The following ERCC5 variants were observed in gnomAD, a reference collection of about 807,000 sequenced individuals.
The protein encoded by ERCC5 is ERCC excision repair 5, endonuclease.
A neutral mutation model predicts 105.6 loss-of-function variants in ERCC5; 68 were observed. The observed-to-expected ratio is 0.64, with a 90% CI of 0.53 to 0.79. The LOEUF (loss-of-function observed/expected upper bound fraction) is 0.79, where lower values mean the gene tolerates loss of function less well. Ranked by LOEUF, ERCC5 falls within the 30% of genes least tolerant of loss-of-function variation. The pLI is 0.00. For missense variants in ERCC5, 1,373 were observed against 1,426.7 expected (o/e 0.96, Z 0.61); for synonymous variants, 546 against 526.2 (o/e 1.04, Z -0.51).
chr13:102,863,239 A>G (rs1452238444), intron 8 of ERCC5, 136 bp downstream of exon 8: 1 of 1,041,656 alleles, frequency 9.6e-7, no homozygotes, highest in Non-Finnish European at 1.4e-6. Context: ...AGATGAAATG[A>G]CTTTCCCAGG....
At chr13:102,850,362 C>T (rs1566463589) in intron 1 of ERCC5, among the ~76,000 whole-genome samples, 1 of 152,030 alleles carries the variant, frequency 6.6e-6, no homozygotes, top group South Asian at 2.1e-4. Flanking sequence ...GCAGAGGAAG[C>T]AGCATGTGAG....
chr13:102,856,584 G>A (rs1043014677), intron 5 of ERCC5, among the ~76,000 whole-genome samples: 2 of 152,204 alleles, frequency 1.3e-5, no homozygotes, highest in African/African-American at 4.8e-5. Flanking sequence ...ATCTGTCGCT[G>A]TGTAACTTAG....
intron 12 of ERCC5, among the ~76,000 whole-genome samples, chr13:102,871,734 G>A (rs750926232): frequency 7.3e-5 from 11 of 151,304 alleles, no homozygotes; most frequent in Admixed American, 1.3e-4. Context: ...AATATTCTTC[G>A]ATCCATTATT....
intron 11 of ERCC5, 104 bp downstream of exon 11, chr13:102,866,949 T>C: frequency 8.1e-7 from 1 of 1,233,388 alleles, no homozygotes; most frequent in Non-Finnish European, 1.1e-6. Flanking sequence ...TGATGGAAAT[T>C]GCAGGTCTAT....
chr13:102,868,708 A>C (rs533158791), intron 12 of ERCC5, among the ~76,000 whole-genome samples: 40 of 152,344 alleles, frequency 2.6e-4, no homozygotes, highest in Admixed American at 1.7e-3. Flanking sequence ...CCAGGAAGCG[A>C]CTTGGAAATA....
At chr13:102,846,933 G>A (rs1221147938) in intron 1 of ERCC5, among the ~76,000 whole-genome samples, 1 of 151,984 alleles carries the variant, frequency 6.6e-6, no homozygotes, top group East Asian at 1.9e-4. Context: ...CATCTGCAAA[G>A]TAGAGGTGGT....
At chr13:102,868,400 T>A in intron 12 of ERCC5, 143 bp downstream of exon 12, 1 of 1,219,182 alleles carries the variant, frequency 8.2e-7, no homozygotes, top group Non-Finnish European at 1.2e-6. Flanking sequence ...ATTGGTTGTT[T>A]TCCATTTTCT....
At position 102,862,590 on chromosome 13, in the gene ERCC5, G is replaced by T. The variant is rs1008091379; in HGVS notation, c.1441G>T (p.Val481Leu). 1.2e-6 allele frequency: 2 copies of T among 1,614,182 alleles called. No homozygotes were observed. Among genetic ancestry groups the T allele is most frequent in the Non-Finnish European group, 8.5e-7 (1 of 1,180,028 alleles). ...AAAAGAACAAATGTCACTTGTTCACGTGGGGACTGAAGCCTTTCCGATAAG... is the reference window on the plus strand; with the variant it reads ...AAAAGAACAAATGTCACTTGTTCACTTGGGGACTGAAGCCTTTCCGATAAG... ...VPKEQMSLVH[V>L]GTEAFPISDE... is the part of the protein sequence containing the mutation. Residue 481 changes from valine to leucine, a missense_variant, in exon 8 of 15, where the codon GTG becomes TTG. Around this residue, in one of 3 missense-constraint regions of ERCC5, gnomAD observed 1,004 missense variants for 1,059.7 expected, o/e 0.95. Coordinates refer to ENST00000652225, the MANE Select transcript of ERCC5 (RefSeq NM_000123.4).
rs2140527395 is a variant in ERCC5, at chr13:102,862,366, G to C, written c.1217G>C (p.Gly406Ala). 1 of 1,614,092 alleles carries C rather than the reference G, an allele frequency of 6.2e-7. No individual in the cohort carries two copies. The highest frequency in any genetic ancestry group is 2.2e-5 in the East Asian group (1 of 44,874). The change falls in exon 8 of 15, where the codon GGG becomes GCG. Residue 406 changes from glycine to alanine, a missense_variant. By Grantham distance (60) the Gly-to-Ala change is moderately conservative (BLOSUM62 0). This residue lies in a region of ERCC5 where 1,004 missense variants were observed against 1,059.7 expected (regional missense o/e 0.95). Transcript: ENST00000652225. ...GACGAAGATGTAAAAGTGTGTGCTG[G>C]GGATGATGTGCAGACGGGAGGGCCA... is the stretch of plus-strand genomic sequence containing the variant. The part of the protein sequence containing the change: ...DDDEDVKVCA[G>A]DDVQTGGPGA...
chr13:102,849,295 TC>T (rs1234761109), intron 1 of ERCC5: 1 of 518,650 alleles, frequency 1.9e-6, no homozygotes, highest in Admixed American at 1.9e-5. Flanking sequence ...TATAATCTGT[TC>T]TTCACATGTT....
rs2227871 is a variant in ERCC5, at chr13:102,875,698, C to G, written c.3356C>G (p.Ala1119Gly). 2 of 1,614,008 alleles carry G rather than the reference C, an allele frequency of 1.2e-6. No individual in the cohort carries two copies. Among genetic ancestry groups the G allele is most frequent in the African/African-American group, 1.3e-5 (1 of 74,976 alleles). Residue 1119 changes from alanine to glycine, a missense_variant, in exon 15 of 15, where the codon GCG (alanine) becomes GGG (glycine). Physicochemically the swap from Ala to Gly is moderately conservative, Grantham distance 60 (BLOSUM62 0). Around this residue, in one of 3 missense-constraint regions of ERCC5, gnomAD observed 367 missense variants for 350.2 expected, o/e 1.05. Transcript: ENST00000652225. ...SLMNVQRRTA[A>G]KEPKTSASDS... ...ATGAATGTACAAAGGAGAACAGCTG[C>G]GAAAGAGCCAAAAACCAGTGCTTCA...
intron 12 of ERCC5, among the ~76,000 whole-genome samples, chr13:102,871,508 CTG>C (rs1420935740): frequency 6.6e-6 from 1 of 152,092 alleles, no homozygotes; most frequent in East Asian, 1.9e-4. Context: ...TTTTAAGTAT[CTG>C]TTTACTTTTC....
In ERCC5 at chr13:102,873,290, A is replaced by G. The variant is rs147955525; in HGVS notation, c.2911A>G (p.Thr971Ala). The change falls in exon 14 of 15, where the codon ACG becomes GCG. Residue 971 changes from threonine (T) to alanine (A), a missense_variant. This residue lies in a region of ERCC5 where 367 missense variants were observed against 350.2 expected (regional missense o/e 1.05). Transcript: ENST00000652225. ...TCAGCGGTATTTCGGCTGGAACAGA[A>G]CGAAGACAGATGAATCTCTGTTTCC... ...FCQRYFGWNR[T>A]KTDESLFPVL... is the part of the protein sequence containing the mutation. 146 of 1,614,172 alleles carry G rather than the reference A, an allele frequency of 9.0e-5. No individual in the cohort carries two copies. The highest frequency in any genetic ancestry group is 1.2e-4 in the Non-Finnish European group (142 of 1,180,018).
chr13:102,875,960 C>A lies in ERCC5; in HGVS notation c.*57C>A. ...TGACAGCCATTTGTAATGAATTTGT[C>A]GCAAAGACGTAATAAAATTAACTGG... is the stretch of plus-strand genomic sequence containing the variant. On this transcript the variant is annotated 3_prime_UTR_variant, in exon 15 of 15. Transcript: ENST00000652225. The A allele has an allele frequency of 6.3e-7, 1 of 1,584,598 alleles. No homozygotes were observed. The highest frequency in any genetic ancestry group is 1.1e-5 in the South Asian group (1 of 89,380).
chr13:102,861,617 C>T lies in ERCC5; in HGVS notation c.783C>T (p.His261=), dbSNP rs1274418019. 1.2e-6 allele frequency: 2 copies of T among 1,614,136 alleles called. No individual in the cohort carries two copies. The highest frequency in any genetic ancestry group is 1.3e-5 in the African/African-American group (1 of 75,034). ...AAATGAATCAGCAACATTCAGGACA[C>T]ATCCGAAGGCAGTATGAAGATGAAG... The part of the protein sequence containing the change: ...QKEMNQQHSG[H]IRRQYEDEGG... The change falls in exon 7 of 15, where the codon CAC becomes CAT. Residue 261 remains histidine (H), a synonymous_variant. Coordinates refer to ENST00000652225, the MANE Select transcript of ERCC5 (RefSeq NM_000123.4).
intron 4 of ERCC5, 120 bp from the exon 5 acceptor site, chr13:102,855,932 C>T (rs1882398874): frequency 4.2e-6 from 4 of 959,126 alleles, no homozygotes; most frequent in Non-Finnish European, 6.7e-6. Context: ...AGTAGTGGCA[C>T]AGATCTTGCT....
intron 8 of ERCC5, among the ~76,000 whole-genome samples, chr13:102,863,742 C>T (rs965045402): frequency 2.0e-5 from 3 of 152,078 alleles, no homozygotes; most frequent in African/African-American, 7.2e-5. Flanking sequence ...GACACTCTGC[C>T]TGGTTCCCGT....
chr13:102,854,044 T>C, intron 3 of ERCC5, 172 bp downstream of exon 3: 1 of 751,410 alleles, frequency 1.3e-6, no homozygotes, highest in Admixed American at 2.6e-5. Context: ...TTGTGGCAAT[T>C]CTCCGTTCTG....
At chr13:102,867,581 G>T (rs1434390475) in intron 11 of ERCC5, among the ~76,000 whole-genome samples, 1 of 152,168 alleles carries the variant, frequency 6.6e-6, no homozygotes, top group Non-Finnish European at 1.5e-5. Flanking sequence ...AATGGCAAGG[G>T]TTAATCTTAG....
Sources: allele counts gnomAD v4.1 joint callset (sites outside exome capture counted in the v4.1 genomes callset), GRCh38; gene constraint gnomAD v4.1.1; regional missense constraint gnomAD v4.1.1; transcripts MANE v1.5; gene names NCBI Gene and HGNC (gene_info 2026-07-23, HGNC 2026-07-21).